Variants in IFTAP observed in about 807,000 individuals in gnomAD.
IFTAP encodes intraflagellar transport-associated protein.
In IFTAP, 19 loss-of-function variants were observed where a neutral mutation model predicts 19.4. That is an observed-to-expected ratio of 0.98 (90% CI 0.68 to 1.44). The LOEUF is 1.44. Among genes scored for constraint, IFTAP ranks in the 40% most tolerant of loss-of-function variants. The pLI is 0.00. For missense variants in IFTAP, 240 were observed against 253.6 expected (o/e 0.95, Z 0.36); for synonymous variants, 85 against 83.5 (o/e 1.02, Z -0.10).
At chr11:36,618,990 C>T (rs945076909) in intron 2 of IFTAP, among the ~76,000 whole-genome samples, 4 of 151,892 alleles carry the variant, frequency 2.6e-5, no homozygotes, top group Admixed American at 2.6e-4. Flanking sequence ...TAACAGGGTA[C>T]TGGCAGAGGA....
chr11:36,616,785 T>C (rs11033717), intron 2 of IFTAP, among the ~76,000 whole-genome samples: 23,383 of 151,852 alleles, frequency 0.15, 2,588 homozygotes, highest in African/African-American at 0.31. Context: ...TAGCAACATG[T>C]AGCTATTGAG....
chr11:36,654,728 T>C (rs1326363922), intron 5 of IFTAP, among the ~76,000 whole-genome samples: 1 of 152,158 alleles, frequency 6.6e-6, no homozygotes, highest in East Asian at 1.9e-4. Flanking sequence ...TTTACCTGCT[T>C]CCCTTTCTGC....
At chr11:36,623,970 T>C (rs1231669695) in intron 2 of IFTAP, among the ~76,000 whole-genome samples, 2 of 151,508 alleles carry the variant, frequency 1.3e-5, no homozygotes, top group Admixed American at 6.6e-5. Flanking sequence ...TGTAAAATTA[T>C]ATATATGTGT....
chr11:36,599,178 G>A (rs1851406855), intron 1 of IFTAP, among the ~76,000 whole-genome samples: 1 of 152,140 alleles, frequency 6.6e-6, no homozygotes, highest in Non-Finnish European at 1.5e-5. Context: ...ATTTTTAGTG[G>A]AGATGGGGTT....
intron 1 of IFTAP, among the ~76,000 whole-genome samples, chr11:36,606,192 C>T (rs1034738094): frequency 9.2e-5 from 14 of 152,204 alleles, no homozygotes; most frequent in East Asian, 1.9e-4. Context: ...CGCGCAGTGG[C>T]GCACGCCTGT....
chr11:36,594,996 G>C (rs1222890055), intron 1 of IFTAP: 1 of 152,224 alleles, frequency 6.6e-6, no homozygotes, highest in Non-Finnish European at 1.5e-5. Context: ...ATGGATCTTT[G>C]AATCCCTAGA....
chr11:36,645,210 A>C (rs945198973), intron 4 of IFTAP, among the ~76,000 whole-genome samples: 1 of 152,252 alleles, frequency 6.6e-6, no homozygotes, highest in South Asian at 2.1e-4. Context: ...CTCACTTTGT[A>C]CCAGTGTGTT....
intron 2 of IFTAP, among the ~76,000 whole-genome samples, chr11:36,616,367 G>A (rs868096021): frequency 6.6e-5 from 10 of 151,586 alleles, no homozygotes; most frequent in Non-Finnish European, 4.4e-5. Flanking sequence ...TGTGCTTTTA[G>A]CATTTTATTG....
intron 2 of IFTAP, among the ~76,000 whole-genome samples, chr11:36,616,108 G>A (rs1852075727): frequency 3.3e-5 from 5 of 151,958 alleles, no homozygotes; most frequent in Admixed American, 2.0e-4. Context: ...TATGACATAC[G>A]GTAACTGTCG....
At chr11:36,614,415 G>A (rs369930906) in intron 2 of IFTAP, among the ~76,000 whole-genome samples, 3 of 148,686 alleles carry the variant, frequency 2.0e-5, no homozygotes, top group African/African-American at 7.6e-5. Context: ...ATGATTTATA[G>A]TCCTTTGGGT....
chr11:36,601,278 T>C (rs1851500211), intron 1 of IFTAP, among the ~76,000 whole-genome samples: 1 of 152,178 alleles, frequency 6.6e-6, no homozygotes, highest in African/African-American at 2.4e-5. Flanking sequence ...TTTGGCTCGT[T>C]GAATGAATTC....
At chr11:36,600,125 C>T (rs1851452085) in intron 1 of IFTAP, among the ~76,000 whole-genome samples, 1 of 152,200 alleles carries the variant, frequency 6.6e-6, no homozygotes, top group Admixed American at 6.5e-5. Flanking sequence ...ATTAGACTTA[C>T]AGTGATCTCA....
At chr11:36,646,835 CTAT>C (rs1374424086) in intron 4 of IFTAP, among the ~76,000 whole-genome samples, 1 of 151,980 alleles carries the variant, frequency 6.6e-6, no homozygotes, top group Admixed American at 6.6e-5. Flanking sequence ...TAAGTGTTGG[CTAT>C]TATTATTGTT....
chr11:36,628,218 A>G (rs1253258940), intron 2 of IFTAP, among the ~76,000 whole-genome samples: 1 of 150,934 alleles, frequency 6.6e-6, no homozygotes, highest in African/African-American at 2.5e-5. Context: ...GGCCCTCCAA[A>G]TATACCCCGT....
chr11:36,653,377 A>G (rs572516586), intron 5 of IFTAP, among the ~76,000 whole-genome samples: 10 of 152,282 alleles, frequency 6.6e-5, no homozygotes, highest in African/African-American at 2.2e-4. Flanking sequence ...TGAAATCCAC[A>G]TATTTCTTTC....
intron 3 of IFTAP, among the ~76,000 whole-genome samples, chr11:36,635,347 A>G (rs1038175989): frequency 6.6e-6 from 1 of 152,198 alleles, no homozygotes; most frequent in African/African-American, 2.4e-5. Context: ...TCATGTCTAA[A>G]TGTTACCATT....
intron 4 of IFTAP, among the ~76,000 whole-genome samples, chr11:36,643,931 G>A (rs1165711299): frequency 2.6e-5 from 4 of 152,170 alleles, no homozygotes; most frequent in South Asian, 2.1e-4. Context: ...TGAGGACACA[G>A]GCATGGGCAA....
chr11:36,658,874 C>T, intron 5 of IFTAP, 145 bp from the exon 6 acceptor site: 3 of 551,918 alleles, frequency 5.4e-6, no homozygotes, highest in Non-Finnish European at 3.0e-6. Flanking sequence ...AAATTTATTT[C>T]TTTACTTAAA....
intron 5 of IFTAP, among the ~76,000 whole-genome samples, chr11:36,652,213 T>C (rs1235302246): frequency 6.6e-6 from 1 of 152,040 alleles, no homozygotes; most frequent in African/African-American, 2.4e-5. Context: ...TTGTTTGTGT[T>C]CTCTTTTATT....
Sources: gnomAD v4.1 joint callset for allele counts (sites outside exome capture counted in the v4.1 genomes callset) on GRCh38, gnomAD v4.1.1 for gene constraint, MANE v1.5 for transcripts, NCBI Gene and HGNC (gene_info 2026-07-23, HGNC 2026-07-21) for gene names.